The following SVIL variants were observed in gnomAD, a reference collection of about 807,000 sequenced individuals.
The protein encoded by SVIL is supervillin, also known as archvillin.
A neutral mutation model predicts 240.4 loss-of-function variants in SVIL; 101 were observed. That is an observed-to-expected ratio of 0.42 (90% CI 0.36 to 0.50). The LOEUF (loss-of-function observed/expected upper bound fraction) is 0.50, where lower values mean the gene tolerates loss of function less well. Among genes scored for constraint, SVIL ranks in the 20% least tolerant of loss-of-function variants. The pLI is 0.01. For synonymous variants in SVIL, 999 were observed against 1,100.0 expected (o/e 0.91, Z 1.82); for missense variants, 2,512 against 2,818.7 (o/e 0.89, Z 2.46).
chr10:29,637,020 G>A (rs1163184473), upstream of SVIL, among the ~76,000 whole-genome samples: 1 of 152,054 alleles, frequency 6.6e-6, no homozygotes, highest in Non-Finnish European at 1.5e-5. Context: ...GGTTGGCCAG[G>A]CTTGTCTTGA....
At chr10:29,606,104 T>C (rs977558412) in intron 1 of SVIL, among the ~76,000 whole-genome samples, 4 of 152,040 alleles carry the variant, frequency 2.6e-5, no homozygotes, top group African/African-American at 9.7e-5. Flanking sequence ...AGAGATGGGC[T>C]TCTGTCACGT....
intron 2 of SVIL, among the ~76,000 whole-genome samples, chr10:29,685,293 C>T (rs1008423266): frequency 6.6e-6 from 1 of 152,202 alleles, no homozygotes; most frequent in Non-Finnish European, 1.5e-5. Flanking sequence ...AGTGTATATG[C>T]ACCACATGTT....
intron 17 of SVIL, among the ~76,000 whole-genome samples, chr10:29,502,707 G>A (rs1948996176): frequency 6.6e-6 from 1 of 152,060 alleles, no homozygotes; most frequent in African/African-American, 2.4e-5. Flanking sequence ...GTGTGTGTGT[G>A]TAGAAGGCAG....
chr10:29,718,744 G>C (rs991433231), intron 1 of SVIL, among the ~76,000 whole-genome samples: 1 of 152,108 alleles, frequency 6.6e-6, no homozygotes, highest in African/African-American at 2.4e-5. Flanking sequence ...GGGGGTGGGG[G>C]AACACTAGAA....
Position 29,467,762 on chromosome 10 carries a change from G to A in SVIL, c.5957C>T (p.Ala1986Val), listed in dbSNP as rs201112781. The change falls in exon 33 of 38, where the codon GCC becomes GTC. Residue 1986 changes from alanine (A) to valine (V), a missense_variant. By Grantham distance (64) the Ala-to-Val change is moderately conservative. Coordinates refer to ENST00000355867, the MANE Select transcript of SVIL (RefSeq NM_021738.3). ...WDALGRRDRK[A>V]YDCMLQDPGS... The stretch of plus-strand genomic sequence containing the variant: ...ATTACCTTGAAGCATGCAATCGTAG[G>A]CTTTCCTGTCTCTCCTTCCTAAGGC... The A allele has an allele frequency of 6.2e-6, 10 of 1,614,154 alleles. No homozygotes were observed. In the East Asian group the frequency reaches 2.2e-4, roughly 36 times the overall value.
At chr10:29,727,589 C>T (rs1162126747) in intron 1 of SVIL, among the ~76,000 whole-genome samples, 1 of 152,062 alleles carries the variant, frequency 6.6e-6, no homozygotes, top group Non-Finnish European at 1.5e-5. Context: ...AGCCAAACCA[C>T]CTGGGATAAG....
rs201943039 is a variant in SVIL, at chr10:29,522,610, G to A, written c.3189C>T (p.Ser1063=). The A allele has an allele frequency of 1.7e-5, 27 of 1,614,150 alleles. No homozygotes were observed. In the Admixed American group the frequency reaches 3.8e-4, roughly 23 times the overall value. The change falls in exon 16 of 38, where the codon TCC becomes TCT. Residue 1063 remains serine (S), a synonymous_variant. Coordinates refer to ENST00000355867, the MANE Select transcript of SVIL (RefSeq NM_021738.3). ...LRAAEFGEPT[S]EQTGTAAGKT... Reference sequence around the variant, plus strand: ...TCCCAGCAGCTGTCCCCGTCTGCTCGGAAGTGGGCTCCCCGAACTCTGCCG... The same window carrying A: ...TCCCAGCAGCTGTCCCCGTCTGCTCAGAAGTGGGCTCCCCGAACTCTGCCG...
At chr10:29,729,456 T>G (rs1193824044) in intron 1 of SVIL, among the ~76,000 whole-genome samples, 2 of 25,472 alleles carry the variant, frequency 7.9e-5, no homozygotes, top group African/African-American at 3.3e-4. Flanking sequence ...TGGAGGTGTG[T>G]GTGTGTGTGT....
At chr10:29,496,054 T>A (rs924600377) in intron 18 of SVIL, among the ~76,000 whole-genome samples, 6 of 152,144 alleles carry the variant, frequency 3.9e-5, no homozygotes, top group African/African-American at 1.4e-4. Context: ...TGACAATGCA[T>A]CCCTGGACGA....
intron 1 of SVIL, among the ~76,000 whole-genome samples, chr10:29,704,004 T>C (rs1267144440): frequency 6.6e-6 from 1 of 152,140 alleles, no homozygotes; most frequent in East Asian, 1.9e-4. Context: ...TCTCTCCCTA[T>C]GTTGGCCAGG....
intron 26 of SVIL, among the ~76,000 whole-genome samples, chr10:29,485,506 C>G (rs1266610858): frequency 6.6e-6 from 1 of 152,138 alleles, no homozygotes; most frequent in Non-Finnish European, 1.5e-5. Flanking sequence ...GTTTCTTTTT[C>G]TGTGACTTTT....
intron 17 of SVIL, among the ~76,000 whole-genome samples, chr10:29,507,488 TACACACTTAAAGAC>T (rs1949455392): frequency 6.6e-6 from 1 of 151,898 alleles, no homozygotes; most frequent in Admixed American, 6.6e-5. Flanking sequence ...CACACATACG[TACACACTTAAAGAC>T]ACACACACAG....
chr10:29,569,552 T>G (rs959690632), intron 1 of SVIL, among the ~76,000 whole-genome samples: 1 of 152,086 alleles, frequency 6.6e-6, no homozygotes, highest in African/African-American at 2.4e-5. Flanking sequence ...CATGGGTAAA[T>G]GAAAATAATA....
chr10:29,586,941 T>G (rs1409323359), intron 1 of SVIL, among the ~76,000 whole-genome samples: 1 of 151,898 alleles, frequency 6.6e-6, no homozygotes, highest in Non-Finnish European at 1.5e-5. Context: ...AACTAATGGG[T>G]ACTAAGCTTA....
At chr10:29,468,294 C>G (rs1189133771) in intron 32 of SVIL, among the ~76,000 whole-genome samples, 2 of 152,130 alleles carry the variant, frequency 1.3e-5, no homozygotes, top group Non-Finnish European at 2.9e-5. Context: ...TAGCATGTAT[C>G]AATACTGAAT....
chr10:29,538,961 C>T (rs556294960), intron 6 of SVIL, among the ~76,000 whole-genome samples: 3 of 151,876 alleles, frequency 2.0e-5, no homozygotes, highest in Admixed American at 6.6e-5. Flanking sequence ...GCCAGGAGTT[C>T]GAGCCAGCCT....
intron 3 of SVIL, among the ~76,000 whole-genome samples, chr10:29,657,023 A>T (rs1959027309): frequency 6.6e-6 from 1 of 152,208 alleles, no homozygotes. Context: ...TCTTACACAT[A>T]AGGAAATTGA....
At chr10:29,576,941 C>T (rs1256312799) in intron 1 of SVIL, among the ~76,000 whole-genome samples, 2 of 152,096 alleles carry the variant, frequency 1.3e-5, no homozygotes, top group Admixed American at 6.5e-5. Flanking sequence ...AATGCAGTGG[C>T]GCGAGCTAGG....
rs1205726094 is a variant in SVIL at position 29,467,871 on chromosome 10, G to A, written c.5848C>T (p.Pro1950Ser). 4.3e-6 allele frequency: 7 copies of A among 1,614,136 alleles called. No individual in the cohort carries two copies. Among genetic ancestry groups the A allele is most frequent in the Non-Finnish European group, 5.1e-6 (6 of 1,180,024 alleles). ...CTACTATGCAGTCCTGCTTCCAGGG[G>A]ACATCTGCAAGGGAGAAACTCCAAG... ...TAANKIKEQC[P>S]LEAGLHSSSK... is the part of the protein sequence containing the mutation. The change falls in exon 33 of 38, where the codon CCC (proline) becomes TCC (serine). Residue 1950 changes from proline (P) to serine (S), a missense_variant. This residue lies in a region of SVIL where 797 missense variants were observed against 925.3 expected (regional missense o/e 0.86). Transcript: ENST00000355867.
Sources: gnomAD v4.1 joint callset for allele counts (sites outside exome capture counted in the v4.1 genomes callset) on GRCh38, gnomAD v4.1.1 for gene constraint, gnomAD v4.1.1 regional missense constraint, MANE v1.5 for transcripts, NCBI Gene and HGNC (gene_info 2026-07-23, HGNC 2026-07-21) for gene names.